SHANK2: variants seen among roughly 807,000 people sequenced by gnomAD.
SHANK2 encodes the protein SH3 and multiple ankyrin repeat domains 2.
In SHANK2, 43 loss-of-function variants were observed where a neutral mutation model predicts 133.7. The ratio of observed to expected loss-of-function variants is 0.32; its 90% CI spans 0.25 to 0.41. The LOEUF is 0.41. Among genes scored for constraint, SHANK2 ranks in the 10% least tolerant of loss-of-function variants. The pLI is 1.00. For missense variants in SHANK2, 1,994 were observed against 2,235.8 expected (o/e 0.89, Z 2.18); for synonymous variants, 1,017 against 952.8 (o/e 1.07, Z -1.24).
intron 6 of SHANK2, among the ~76,000 whole-genome samples, chr11:71,109,656 C>T (rs1002673229): frequency 2.6e-5 from 4 of 152,222 alleles, no homozygotes; most frequent in Admixed American, 1.3e-4. Flanking sequence ...ACAACACATG[C>T]GTGTCATCTG....
intron 8 of SHANK2, among the ~76,000 whole-genome samples, chr11:71,080,552 G>T (rs1951285370): frequency 6.6e-6 from 1 of 152,148 alleles, no homozygotes; most frequent in African/African-American, 2.4e-5. Context: ...CAGGTCGGCT[G>T]AGACGAACCC....
chr11:71,209,837 A>T (rs1303621252), intron 2 of SHANK2, among the ~76,000 whole-genome samples: 1 of 152,028 alleles, frequency 6.6e-6, no homozygotes, highest in African/African-American at 2.4e-5. Flanking sequence ...GCCAGACTAC[A>T]TCCCAGGGGC....
chr11:70,657,246 C>T (rs2061415917), intron 17 of SHANK2, among the ~76,000 whole-genome samples: 1 of 152,166 alleles, frequency 6.6e-6, no homozygotes, highest in Non-Finnish European at 1.5e-5. Flanking sequence ...TTGCACCTCA[C>T]CGGGAGCTCA....
intron 17 of SHANK2, among the ~76,000 whole-genome samples, chr11:70,608,399 G>A (rs2060608817): frequency 6.6e-6 from 1 of 152,172 alleles, no homozygotes; most frequent in Non-Finnish European, 1.5e-5. Context: ...CTGGCGATGG[G>A]AACTTTTTCT....
At chr11:70,624,667 C>T (rs2060880442) in intron 17 of SHANK2, among the ~76,000 whole-genome samples, 1 of 152,180 alleles carries the variant, frequency 6.6e-6, no homozygotes, top group Non-Finnish European at 1.5e-5. Flanking sequence ...CGTCTGGAGA[C>T]ATTCTTGGTT....
chr11:70,879,223 G>C lies in SHANK2; in HGVS notation c.1174+17278C>G, dbSNP rs559638785. On this transcript the variant is annotated intron_variant, in intron 11 of 25. Coordinates refer to ENST00000601538, the MANE Select transcript of SHANK2 (RefSeq NM_012309.5). ...CTTGGCTAAAAGCAACAGCACTTAG[G>C]TACATATGCGTACAAGTTCTTCCTT... is the stretch of plus-strand genomic sequence containing the variant. Among the ~76,000 whole-genome samples, 3 of 152,350 alleles carry C rather than the reference G, an allele frequency of 2.0e-5. No homozygotes were observed. The South Asian group carries it at 6.2e-4, about 32-fold the overall frequency.
rs114205722 is a variant in SHANK2, at chr11:70,924,888, C to T, written c.1108-28321G>A. Among the ~76,000 whole-genome samples the T allele has an allele frequency of 5.2e-3, 788 of 152,258 alleles. 4 individuals are homozygous for T. Among genetic ancestry groups the T allele is most frequent in the African/African-American group, 0.018 (753 of 41,542 alleles). On this transcript the variant is annotated intron_variant, in intron 10 of 25. Transcript: ENST00000601538. ...GCTACGCAGACAGCACAGGGTCTGC[C>T]ACTCCCGGAACAAGGCAAGGCTGGA...
At chr11:70,670,542 G>A (rs1555015836) in intron 15 of SHANK2, among the ~76,000 whole-genome samples, 3 of 152,276 alleles carry the variant, frequency 2.0e-5, no homozygotes, top group Non-Finnish European at 2.9e-5. Context: ...GGCAGGCTGC[G>A]GGAGAACAGG....
intron 11 of SHANK2, among the ~76,000 whole-genome samples, chr11:70,876,181 T>TAC (rs1265242352): frequency 6.6e-6 from 1 of 150,744 alleles, no homozygotes; most frequent in African/African-American, 2.4e-5. Context: ...TATACATATA[T>TAC]ACACACACGT....
In SHANK2 at chr11:70,671,274, T is replaced by TCTAGGAGGGAGAATG. The variant is rs782060634; in HGVS notation, c.1854-9611_1854-9597dup. On this transcript the variant is annotated intron_variant, in intron 15 of 25. Transcript: ENST00000601538. ...CCTGCCGAGACGAACGGAAACGTCG[T>TCTAGGAGGGAGAATG]CTAGGAGGGAGAATGCTAGGAGGGA... Among the ~76,000 whole-genome samples the TCTAGGAGGGAGAATG allele has an allele frequency of 1.9e-4, 29 of 151,982 alleles. No individual in the cohort carries two copies. In the East Asian group the frequency reaches 4.7e-3, roughly 25 times the overall value.
intron 14 of SHANK2, among the ~76,000 whole-genome samples, chr11:70,730,697 T>C (rs1280695357): frequency 1.3e-5 from 2 of 152,204 alleles, no homozygotes; most frequent in Non-Finnish European, 2.9e-5. Flanking sequence ...ATGAGGCTGC[T>C]GCGGCAGGGC....
At chr11:70,631,388 A>C (rs1281434392) in intron 17 of SHANK2, among the ~76,000 whole-genome samples, 22 of 148,116 alleles carry the variant, frequency 1.5e-4, no homozygotes, top group African/African-American at 4.7e-4. Flanking sequence ...ACACACACAC[A>C]CACACACACA....
intron 6 of SHANK2, among the ~76,000 whole-genome samples, chr11:71,096,403 C>T (rs1363199094): frequency 5.3e-5 from 8 of 152,116 alleles, no homozygotes; most frequent in Admixed American, 2.0e-4. Flanking sequence ...ATGGGGCAGA[C>T]GCCAGAGAAA....
At chr11:70,941,266 GCTAACTC>G (rs1430055305) in intron 10 of SHANK2, among the ~76,000 whole-genome samples, 3 of 152,138 alleles carry the variant, frequency 2.0e-5, no homozygotes, top group Non-Finnish European at 4.4e-5. Flanking sequence ...TAGACAGATA[GCTAACTC>G]CACACACTGC....
chr11:71,146,243 G>A (rs1952641428), intron 3 of SHANK2, among the ~76,000 whole-genome samples: 1 of 152,222 alleles, frequency 6.6e-6, no homozygotes, highest in African/African-American at 2.4e-5. Flanking sequence ...GAGCAAGAGG[G>A]AACGTGGCTG....
At chr11:70,578,845 G>A (rs2060149248) in intron 17 of SHANK2, among the ~76,000 whole-genome samples, 1 of 152,158 alleles carries the variant, frequency 6.6e-6, no homozygotes, top group Non-Finnish European at 1.5e-5. Context: ...TGGTTTAGAT[G>A]TCGGGGATGC....
intron 17 of SHANK2, among the ~76,000 whole-genome samples, chr11:70,597,620 C>T (rs1220395247): frequency 2.0e-5 from 3 of 152,156 alleles, no homozygotes; most frequent in African/African-American, 7.2e-5. Flanking sequence ...CGCCTGTAAT[C>T]CCAGCACTTT....
chr11:71,085,107 T>TG (rs1361272483), intron 8 of SHANK2, among the ~76,000 whole-genome samples: 4 of 152,134 alleles, frequency 2.6e-5, no homozygotes, highest in Non-Finnish European at 5.9e-5. Context: ...TGAAATTAAA[T>TG]GTTCCTCTTC....
chr11:70,900,557 C>T (rs1950008691), intron 10 of SHANK2, among the ~76,000 whole-genome samples: 2 of 152,142 alleles, frequency 1.3e-5, no homozygotes, highest in Non-Finnish European at 2.9e-5. Context: ...CGTGGACCAT[C>T]CCCTAGTGAT....
Sources: allele counts gnomAD v4.1 joint callset (sites outside exome capture counted in the v4.1 genomes callset), GRCh38; gene constraint gnomAD v4.1.1; transcripts MANE v1.5; gene names NCBI Gene and HGNC (gene_info 2026-07-23, HGNC 2026-07-21).